The following KIF3A variants were observed in gnomAD, a reference collection of about 807,000 sequenced individuals.
KIF3A encodes the protein kinesin family member 3A.
Under a neutral mutation model 92.6 loss-of-function variants are expected in KIF3A, and 27 were observed. The ratio of observed to expected loss-of-function variants is 0.29; its 90% CI spans 0.21 to 0.40. The LOEUF is 0.40. Among genes scored for constraint, KIF3A ranks in the 10% least tolerant of loss-of-function variants. The pLI, the probability that KIF3A is intolerant of heterozygous loss-of-function variation, is 1.00. For synonymous variants in KIF3A, 250 were observed against 275.4 expected (o/e 0.91, Z 0.92); for missense variants, 581 against 872.6 (o/e 0.67, Z 4.21).
chr5:132,703,672 CTT>C, intron 11 of KIF3A, 53 bp from the exon 12 acceptor site: 8 of 1,371,402 alleles, frequency 5.8e-6, no homozygotes, highest in Non-Finnish European at 7.0e-6. Flanking sequence ...ATGTTTCAGA[CTT>C]ATATAAATTA....
At chr5:132,699,120 A>C in intron 18 of KIF3A, 51 bp downstream of exon 18, 1 of 1,552,084 alleles carries the variant, frequency 6.4e-7, no homozygotes, top group East Asian at 2.2e-5. Context: ...CATGTATCTA[A>C]TTAGAATACC....
At chr5:132,696,836 C>A (rs1009949044) in intron 18 of KIF3A, among the ~76,000 whole-genome samples, 154 bp from the exon 19 acceptor site, 1 of 152,194 alleles carries the variant, frequency 6.6e-6, no homozygotes, top group Non-Finnish European at 1.5e-5. Flanking sequence ...TCAATTAATG[C>A]TCGCCTTTTC....
intron 1 of KIF3A, among the ~76,000 whole-genome samples, chr5:132,737,118 C>T (rs915785482): frequency 1.3e-5 from 2 of 152,230 alleles, no homozygotes; most frequent in African/African-American, 4.8e-5. Context: ...GGAAGGGCTG[C>T]GAGCCAGAGC....
intron 2 of KIF3A, among the ~76,000 whole-genome samples, chr5:132,730,998 T>C (rs1488009485): frequency 1.3e-5 from 2 of 152,098 alleles, no homozygotes; most frequent in African/African-American, 4.8e-5. Flanking sequence ...ATACATAATC[T>C]GAATAGTCTT....
intron 2 of KIF3A, among the ~76,000 whole-genome samples, chr5:132,726,737 G>A (rs1754047369): frequency 6.6e-6 from 1 of 152,232 alleles, no homozygotes; most frequent in Non-Finnish European, 1.5e-5. Context: ...AGCATCCCAA[G>A]CCCTAAATGC....
chr5:132,735,093 G>A (rs1754346978), intron 1 of KIF3A, among the ~76,000 whole-genome samples: 3 of 151,044 alleles, frequency 2.0e-5, no homozygotes, highest in African/African-American at 7.3e-5. Context: ...TCTTATTTAT[G>A]AGGCACAGTC....
chr5:132,722,401 T>C (rs148696188), intron 4 of KIF3A, among the ~76,000 whole-genome samples: 98 of 152,300 alleles, frequency 6.4e-4, no homozygotes, highest in African/African-American at 2.3e-3. Context: ...TGGAAGCAGT[T>C]ACCCTCTTGT....
intron 9 of KIF3A, among the ~76,000 whole-genome samples, chr5:132,709,398 T>C (rs781155062): frequency 6.6e-6 from 1 of 152,204 alleles, no homozygotes; most frequent in Non-Finnish European, 1.5e-5. Flanking sequence ...GAGTGATAAA[T>C]TACCCTTCAT....
intron 1 of KIF3A, among the ~76,000 whole-genome samples, chr5:132,736,225 C>A (rs1466578602): frequency 6.6e-6 from 1 of 152,204 alleles, no homozygotes; most frequent in Non-Finnish European, 1.5e-5. Context: ...CCACAAATTT[C>A]TTTTGTTTGG....
intron 11 of KIF3A, among the ~76,000 whole-genome samples, chr5:132,705,426 T>C (rs1753177248): frequency 6.6e-6 from 1 of 152,010 alleles, no homozygotes; most frequent in Non-Finnish European, 1.5e-5. Flanking sequence ...CAGTAGTATG[T>C]ACAGGCTTCA....
chr5:132,731,759 G>A (rs567468711), intron 2 of KIF3A, among the ~76,000 whole-genome samples: 273 of 151,296 alleles, frequency 1.8e-3, no homozygotes, highest in Non-Finnish European at 3.1e-3. Flanking sequence ...CACCCAGGCT[G>A]GAGTGCAATG....
rs1754445614 is a variant in KIF3A, at chr5:132,737,501, A to G, written c.-82T>C. On this transcript the variant is annotated 5_prime_UTR_variant, in exon 1 of 19. Coordinates refer to ENST00000403231, the MANE Select transcript of KIF3A (RefSeq NM_001300791.2). ...CCGGGTGCGCAGAAAGGATGGCCAG[A>G]GACTACCGAAACACCTCGTTGACGC... The G allele has an allele frequency of 2.6e-6, 4 of 1,526,018 alleles. No individual in the cohort carries two copies. The highest frequency in any genetic ancestry group is 1.7e-4 in the Middle Eastern group (1 of 5,854). 94.5% of individuals were successfully genotyped at this position (1,526,018 alleles called of 1,614,324 possible). A position where few individuals can be genotyped will look rare whatever the true frequency, so the allele number is the denominator to read the frequency against.
chr5:132,709,837 T>C (rs1753353309), intron 9 of KIF3A, among the ~76,000 whole-genome samples: 1 of 152,228 alleles, frequency 6.6e-6, no homozygotes, highest in Admixed American at 6.5e-5. Context: ...GGTGGTGAGC[T>C]GGATTTAGCC....
chr5:132,707,004 C>A (rs757728373), intron 10 of KIF3A, among the ~76,000 whole-genome samples: 10 of 152,090 alleles, frequency 6.6e-5, no homozygotes, highest in Non-Finnish European at 1.2e-4. Flanking sequence ...AAACCTGAAC[C>A]AATCCAACAG....
At chr5:132,736,540 G>C (rs1175561673) in intron 1 of KIF3A, among the ~76,000 whole-genome samples, 1 of 152,188 alleles carries the variant, frequency 6.6e-6, no homozygotes, top group Non-Finnish European at 1.5e-5. Context: ...GCTCAATGTT[G>C]TATCTTCAGG....
intron 18 of KIF3A, among the ~76,000 whole-genome samples, chr5:132,698,815 G>A (rs1752925257): frequency 7.1e-6 from 1 of 141,392 alleles, no homozygotes. Context: ...TCGGCTAACT[G>A]CAACCTCCGG....
chr5:132,711,759 C>G (rs983645093), intron 8 of KIF3A, among the ~76,000 whole-genome samples: 11 of 152,080 alleles, frequency 7.2e-5, no homozygotes, highest in Non-Finnish European at 1.6e-4. Flanking sequence ...TTCATTCAAT[C>G]TGTATTTTTA....
At chr5:132,699,523 G>A (rs376950547) in intron 17 of KIF3A, 5 of 575,486 alleles carry the variant, frequency 8.7e-6, no homozygotes, top group East Asian at 7.8e-5. Flanking sequence ...CATAAAAACT[G>A]TTGCTGTTTT....
chr5:132,700,531 G>A, intron 16 of KIF3A, 116 bp downstream of exon 16: 1 of 725,940 alleles, frequency 1.4e-6, no homozygotes, highest in Non-Finnish European at 2.5e-6. Context: ...TGCCCTACTG[G>A]ATTCTCATCT....
Sources: gnomAD v4.1 joint callset for allele counts (sites outside exome capture counted in the v4.1 genomes callset) on GRCh38, gnomAD v4.1.1 for gene constraint, MANE v1.5 for transcripts, NCBI Gene and HGNC (gene_info 2026-07-23, HGNC 2026-07-21) for gene names.